The following COQ8B variants were observed in gnomAD, a reference collection of about 807,000 sequenced individuals.
COQ8B encodes the protein coenzyme Q8B.
COQ8B carries 44 observed loss-of-function variants against 62.0 expected under a neutral mutation model. That is an observed-to-expected ratio of 0.71 (90% CI 0.56 to 0.91). COQ8B has a LOEUF of 0.91. COQ8B is among the 40% of genes least tolerant of loss of function. The pLI is 0.00. For synonymous variants in COQ8B, 252 were observed against 289.9 expected (o/e 0.87, Z 1.33); for missense variants, 649 against 731.6 (o/e 0.89, Z 1.30).
At chr19:40,703,928 T>C (rs1237093765) in intron 7 of COQ8B, 73 bp from the exon 8 acceptor site, 1 of 1,516,060 alleles carries the variant, frequency 6.6e-7, no homozygotes. Flanking sequence ...TACGTGTTGA[T>C]AACCCCAGCA....
intron 1 of COQ8B, 67 bp from the exon 2 acceptor site, chr19:40,714,702 C>T (rs1036236598): frequency 5.6e-6 from 8 of 1,424,648 alleles, no homozygotes; most frequent in Admixed American, 4.8e-5. Flanking sequence ...CCCCCATGTT[C>T]CTCTGTGTCC....
At chr19:40,707,742 A>G (rs1169040802) in intron 5 of COQ8B, among the ~76,000 whole-genome samples, 2 of 152,236 alleles carry the variant, frequency 1.3e-5, no homozygotes, top group Non-Finnish European at 2.9e-5. Context: ...GGCGTGAGCC[A>G]CCGCAACCGG....
intron 4 of COQ8B, among the ~76,000 whole-genome samples, chr19:40,713,616 T>C (rs1435101380): frequency 2.7e-5 from 4 of 148,746 alleles, no homozygotes; most frequent in African/African-American, 5.0e-5. Context: ...CTCAGGAGGC[T>C]GTGGCAGGAG....
At chr19:40,715,427 A>AC (rs1458035758) in intron 1 of COQ8B, 8 of 984,688 alleles carry the variant, frequency 8.1e-6, no homozygotes, top group Non-Finnish European at 9.6e-6. Context: ...TATCTTGCCA[A>AC]CCCCCCTTCT....
chr19:40,692,860 C>G, intron 14 of COQ8B, 91 bp downstream of exon 14: 1 of 1,120,406 alleles, frequency 8.9e-7, no homozygotes, highest in Admixed American at 2.1e-5. Flanking sequence ...CATGCCCCAT[C>G]ACCTACTCGA....
intron 10 of COQ8B, chr19:40,701,246 T>C (rs1229138536): frequency 1.3e-5 from 2 of 152,234 alleles, no homozygotes; most frequent in Non-Finnish European, 2.9e-5. Flanking sequence ...GGAAAATCAC[T>C]TGAGCCTGGG....
In COQ8B at chr19:40,714,259, T is replaced by C. The variant is rs1465732532; in HGVS notation, c.222+19A>G. On this transcript the variant is annotated intron_variant, in intron 3 of 14. Transcript: ENST00000324464. ...GCAGTATTCGTGGGGTGTTGCTGGGTGGGTGGGGGTAATGATACCTGGGGC... is the reference window on the plus strand; with the variant it reads ...GCAGTATTCGTGGGGTGTTGCTGGGCGGGTGGGGGTAATGATACCTGGGGC... 6.3e-7 allele frequency: 1 copy of C among 1,582,372 alleles called. No homozygotes were observed. Among genetic ancestry groups the C allele is most frequent in the Admixed American group, 1.7e-5 (1 of 58,962 alleles).
At chr19:40,710,497 G>A (rs1018157923) in intron 4 of COQ8B, among the ~76,000 whole-genome samples, 2 of 152,016 alleles carry the variant, frequency 1.3e-5, no homozygotes, top group Non-Finnish European at 2.9e-5. Flanking sequence ...TGATCCTCCC[G>A]CCTCGGCCTC....
At chr19:40,712,844 A>G (rs2082152955) in intron 4 of COQ8B, among the ~76,000 whole-genome samples, 1 of 152,166 alleles carries the variant, frequency 6.6e-6, no homozygotes, top group Admixed American at 6.5e-5. Context: ...CAATGTCCTC[A>G]TGTACGGAAT....
chr19:40,705,470 A>T (rs1389531739), intron 5 of COQ8B, 23 bp from the exon 6 acceptor site: 1 of 1,523,864 alleles, frequency 6.6e-7, no homozygotes, highest in East Asian at 2.3e-5. Context: ...CAACCATTAG[A>T]ATTATAACCA....
intron 12 of COQ8B, among the ~76,000 whole-genome samples, chr19:40,697,843 T>TAGAGAGAGAGAGAGAGAGAGAGAGAG (rs1406997268): frequency 2.1e-5 from 1 of 48,776 alleles, no homozygotes; most frequent in African/African-American, 9.9e-5. Context: ...TATATATATA[T>TAGAGAGAGAGAGAGAGAGAGAGAGAG]ATATATATAG....
Position 40,704,929 on chromosome 19 carries a change from A to G in COQ8B, c.576+167T>C, listed in dbSNP as rs534263552. 51 of 650,980 alleles carry G rather than the reference A, an allele frequency of 7.8e-5. No individual in the cohort carries two copies. In the South Asian group the frequency reaches 1.0e-3, roughly 13 times the overall value. 40.3% of individuals were successfully genotyped at this position (650,980 alleles called of 1,614,324 possible). A position where few individuals can be genotyped will look rare whatever the true frequency, so the allele number is the denominator to read the frequency against. On this transcript the variant is annotated intron_variant, in intron 7 of 14. Coordinates refer to ENST00000324464, the MANE Select transcript of COQ8B (RefSeq NM_024876.4). ...AGGTCAGGCTGCTGTTCCCTGTTTT[A>G]ATCACCACAGCAATGCTAGGAGGTG...
chr19:40,705,532 A>G lies in COQ8B; in HGVS notation c.368-85T>C, dbSNP rs1032803503. On this transcript the variant is annotated intron_variant, in intron 5 of 14. Coordinates refer to ENST00000324464, the MANE Select transcript of COQ8B (RefSeq NM_024876.4). ...GGCGGCCCACGCCTGTAATCCCAGC[A>G]CTTTGGGAGACCCAGGCGGGATGAA... The G allele has an allele frequency of 4.4e-5, 62 of 1,404,356 alleles. No individual in the cohort carries two copies. In the South Asian group the frequency reaches 1.1e-3, roughly 24 times the overall value. The allele number at this position is 1,404,356 out of a possible 1,614,324, so 87.0% of individuals were successfully genotyped here.
At chr19:40,709,024 A>T (rs77784390) in intron 5 of COQ8B, among the ~76,000 whole-genome samples, 1 of 152,132 alleles carries the variant, frequency 6.6e-6, no homozygotes, top group Admixed American at 6.6e-5. Context: ...CCTCGATTCA[A>T]CATGGTACCA....
At chr19:40,707,509 G>A (rs2082109720) in intron 5 of COQ8B, among the ~76,000 whole-genome samples, 1 of 150,760 alleles carries the variant, frequency 6.6e-6, no homozygotes, top group South Asian at 2.1e-4. Context: ...GGAGTACAAT[G>A]GCATGATCTT....
chr19:40,715,268 G>C, intron 1 of COQ8B: 1 of 986,188 alleles, frequency 1.0e-6, no homozygotes. Context: ...GCCCATCTGG[G>C]GGGATTGCTG....
intron 12 of COQ8B, among the ~76,000 whole-genome samples, chr19:40,696,823 T>C (rs939823041): frequency 6.6e-6 from 1 of 152,204 alleles, no homozygotes; most frequent in Non-Finnish European, 1.5e-5. Flanking sequence ...TCTATGTATG[T>C]GTACAGCTGT....
At chr19:40,697,901 T>C (rs1035066750) in intron 12 of COQ8B, among the ~76,000 whole-genome samples, 3 of 108,380 alleles carry the variant, frequency 2.8e-5, no homozygotes, top group African/African-American at 1.1e-4. Flanking sequence ...TTCATGCAAA[T>C]GCACACAAAA....
Position 40,703,854 on chromosome 19 carries a change from C to G in COQ8B, c.578G>C (p.Arg193Thr). Reference sequence around the variant, plus strand: ...CCTGCCGAGCTCCTCTTCAAGAACTCTCTGCGGGGAGTGGTCACAGCCATC... The same window carrying G: ...CCTGCCGAGCTCCTCTTCAAGAACTGTCTGCGGGGAGTGGTCACAGCCATC... The part of the protein sequence containing the change: ...ADFMPRWQML[R>T]VLEEELGRDW... Residue 193 changes from arginine to threonine, a missense_variant and splice_region_variant, in exon 8 of 15, where the codon AGA becomes ACA. By Grantham distance (71) the Arg-to-Thr change is moderately conservative. Transcript: ENST00000324464. 11 of 1,607,806 alleles carry G rather than the reference C, an allele frequency of 6.8e-6. No individual in the cohort carries two copies. The highest frequency in any genetic ancestry group is 9.4e-6 in the Non-Finnish European group (11 of 1,175,502).
Sources: allele counts gnomAD v4.1 joint callset (sites outside exome capture counted in the v4.1 genomes callset), GRCh38; gene constraint gnomAD v4.1.1; transcripts MANE v1.5; gene names NCBI Gene and HGNC (gene_info 2026-07-23, HGNC 2026-07-21).